The following RASSF3 variants were observed in gnomAD, a reference collection of about 807,000 sequenced individuals.
The protein encoded by RASSF3 is Ras association domain family member 3.
In RASSF3, 19 loss-of-function variants were observed where a neutral mutation model predicts 19.9. The observed-to-expected ratio is 0.96, with a 90% CI of 0.67 to 1.40. The LOEUF (loss-of-function observed/expected upper bound fraction) is 1.40. RASSF3 is among the 40% of genes most tolerant of loss of function. The pLI is 0.00. For missense variants in RASSF3, 306 were observed against 289.8 expected (o/e 1.06, Z -0.41); for synonymous variants, 110 against 104.2 (o/e 1.06, Z -0.34).
chr12:64,689,692 CT>C (rs1366234716), intron 3 of RASSF3, among the ~76,000 whole-genome samples: 1 of 152,024 alleles, frequency 6.6e-6, no homozygotes, highest in Non-Finnish European at 1.5e-5. Flanking sequence ...GGCAATGTCA[CT>C]GTATGTGTGT....
chr12:64,612,955 T>C (rs1353487679), intron 1 of RASSF3, among the ~76,000 whole-genome samples: 2 of 152,218 alleles, frequency 1.3e-5, no homozygotes, highest in African/African-American at 2.4e-5. Flanking sequence ...ATATGTGTAT[T>C]TGAAGCTTTA....
intron 2 of RASSF3, among the ~76,000 whole-genome samples, chr12:64,548,988 G>C (rs1592397391): frequency 6.6e-6 from 1 of 152,110 alleles, no homozygotes; most frequent in Non-Finnish European, 1.5e-5. Context: ...AAGGCCCTGA[G>C]AGTGGATCCT....
At chr12:64,550,830 AAAAGAAAG>A (rs1271349367) in intron 2 of RASSF3, among the ~76,000 whole-genome samples, 2 of 148,310 alleles carry the variant, frequency 1.3e-5, no homozygotes, top group Non-Finnish European at 3.0e-5. Context: ...CAAAAAAAAA[AAAAGAAAG>A]AAAGAAAGGA....
chr12:64,687,312 T>C (rs1457469283), intron 2 of RASSF3, among the ~76,000 whole-genome samples: 1 of 152,080 alleles, frequency 6.6e-6, no homozygotes, highest in East Asian at 1.9e-4. Context: ...CCAAATATAC[T>C]GAATACAAAA....
chr12:64,507,124 A>G, exon 1 of RASSF3: 1 of 398,518 alleles, frequency 2.5e-6, no homozygotes. Flanking sequence ...GTTCACAGCT[A>G]AAGTGTCATA....
Position 64,654,408 on chromosome 12 carries a change from C to T in RASSF3, c.112-30379C>T, listed in dbSNP as rs555396976. 2.0e-4 allele frequency: 30 copies of T among 152,180 alleles called. No homozygotes were observed. The South Asian group carries it at 5.4e-3, about 27-fold the overall frequency. The allele number at this position is 152,180 out of a possible 1,614,324, so 9.4% of individuals were successfully genotyped here. A position where few individuals can be genotyped will look rare whatever the true frequency, so the allele number is the denominator to read the frequency against. On this transcript the variant is annotated intron_variant, in intron 1 of 4. Coordinates refer to ENST00000542104, the MANE Select transcript of RASSF3 (RefSeq NM_178169.4). ...CTCGAACTCCTGACCTCAAGTGATCCGCCCGCCTTGGCCTCCCAAAGTGCT... is the reference window on the plus strand; with the variant it reads ...CTCGAACTCCTGACCTCAAGTGATCTGCCCGCCTTGGCCTCCCAAAGTGCT...
intron 2 of RASSF3, among the ~76,000 whole-genome samples, chr12:64,603,432 C>A (rs1870130719): frequency 6.6e-6 from 1 of 152,146 alleles, no homozygotes; most frequent in African/African-American, 2.4e-5. Context: ...GTCCTCGTAC[C>A]AGGTAGTGCC....
chr12:64,557,596 T>C (rs1869275774), intron 2 of RASSF3, among the ~76,000 whole-genome samples: 1 of 152,142 alleles, frequency 6.6e-6, no homozygotes, highest in Admixed American at 6.5e-5. Flanking sequence ...AGTCTCCCAG[T>C]GGGTCACTGG....
At chr12:64,561,715 C>CTT (rs4046189) in intron 2 of RASSF3, among the ~76,000 whole-genome samples, 1,819 of 127,548 alleles carry the variant, frequency 0.014, 57 homozygotes, top group African/African-American at 0.049. Flanking sequence ...TAGCATTTAT[C>CTT]TTTTTTTTTT....
chr12:64,690,546 G>A (rs773577799), intron 3 of RASSF3, among the ~76,000 whole-genome samples: 11 of 152,196 alleles, frequency 7.2e-5, no homozygotes, highest in Middle Eastern at 6.8e-3. Flanking sequence ...CATGATCATA[G>A]CTCATTGTAA....
chr12:64,532,613 A>C (rs1019359977), upstream of RASSF3, among the ~76,000 whole-genome samples: 1 of 151,958 alleles, frequency 6.6e-6, no homozygotes, highest in Non-Finnish European at 1.5e-5. Flanking sequence ...GCTTAAGTCC[A>C]GGGGTTCAAG....
At chr12:64,668,256 TTTC>T (rs139462401) in intron 1 of RASSF3, among the ~76,000 whole-genome samples, 18 of 148,810 alleles carry the variant, frequency 1.2e-4, no homozygotes, top group African/African-American at 1.5e-4. Flanking sequence ...TACCAATCCT[TTTC>T]TTCTTCTTCT....
intron 2 of RASSF3, among the ~76,000 whole-genome samples, chr12:64,556,787 G>A (rs941093343): frequency 1.6e-4 from 24 of 151,514 alleles, no homozygotes; most frequent in Non-Finnish European, 5.9e-5. Flanking sequence ...TTGGTCTCAG[G>A]GGCACAATTG....
intron 1 of RASSF3, among the ~76,000 whole-genome samples, chr12:64,616,420 A>G (rs1870552988): frequency 6.6e-6 from 1 of 152,198 alleles, no homozygotes; most frequent in African/African-American, 2.4e-5. Context: ...ACTGAGTCTG[A>G]CCAAATACTT....
chr12:64,645,122 A>G (rs561903022), intron 1 of RASSF3, among the ~76,000 whole-genome samples: 74 of 152,324 alleles, frequency 4.9e-4, no homozygotes, highest in African/African-American at 1.7e-3. Flanking sequence ...AATTTTTTCA[A>G]CAAATATTGA....
At chr12:64,675,864 C>G (rs1872879327) in intron 1 of RASSF3, among the ~76,000 whole-genome samples, 1 of 151,936 alleles carries the variant, frequency 6.6e-6, no homozygotes, top group Non-Finnish European at 1.5e-5. Flanking sequence ...AAAATGAACT[C>G]CTGAATCCTC....
intron 1 of RASSF3, among the ~76,000 whole-genome samples, chr12:64,642,947 C>T (rs989966907): frequency 4.0e-5 from 6 of 151,570 alleles, no homozygotes; most frequent in African/African-American, 1.2e-4. Context: ...CTCACTGCAA[C>T]CTCCGCCTCT....
chr12:64,692,047 T>G (rs756329106), intron 4 of RASSF3, among the ~76,000 whole-genome samples: 2 of 152,204 alleles, frequency 1.3e-5, no homozygotes, highest in Non-Finnish European at 2.9e-5. Flanking sequence ...CTAGCATCTT[T>G]TTTTTCCCCC....
intron 1 of RASSF3, among the ~76,000 whole-genome samples, chr12:64,522,306 T>G (rs1324089407): frequency 6.6e-6 from 1 of 152,144 alleles, no homozygotes; most frequent in East Asian, 1.9e-4. Flanking sequence ...AGAACTTCTG[T>G]TCTCCAGCTG....
Sources: gnomAD v4.1 joint callset for allele counts (sites outside exome capture counted in the v4.1 genomes callset) on GRCh38, gnomAD v4.1.1 for gene constraint, MANE v1.5 for transcripts, NCBI Gene and HGNC (gene_info 2026-07-23, HGNC 2026-07-21) for gene names.